Variants in CADM1 observed in about 807,000 individuals in gnomAD.
CADM1 encodes TSLC-1.
In CADM1, 15 loss-of-function variants were observed where a neutral mutation model predicts 53.1. The ratio of observed to expected loss-of-function variants is 0.28; its 90% CI spans 0.19 to 0.44. The LOEUF is 0.44. Ranked by LOEUF, CADM1 falls within the 20% of genes least tolerant of loss-of-function variation. The pLI is 1.00. For synonymous variants in CADM1, 281 were observed against 243.0 expected (o/e 1.16, Z -1.45); for missense variants, 434 against 611.3 (o/e 0.71, Z 3.06).
intron 1 of CADM1, among the ~76,000 whole-genome samples, chr11:115,342,025 A>G (rs1015405025): frequency 6.6e-6 from 1 of 152,172 alleles, no homozygotes; most frequent in African/African-American, 2.4e-5. Flanking sequence ...CTAAAATTCT[A>G]TAAATTCATA....
rs748466360 is a variant in CADM1 at position 115,209,691 on chromosome 11, A to G, written c.995-34T>C. 6 of 1,610,688 alleles carry G rather than the reference A, an allele frequency of 3.7e-6. No homozygotes were observed. The African/African-American group carries it at 5.3e-5, about 14-fold the overall frequency. On this transcript the variant is annotated intron_variant, in intron 7 of 11. Transcript: ENST00000331581. Reference sequence around the variant, plus strand: ...AAAAAAAAAGGAAAATCAAACCCACAATGCTGAACACAACAATGACCAGTA... The same window carrying G: ...AAAAAAAAAGGAAAATCAAACCCACGATGCTGAACACAACAATGACCAGTA...
In CADM1 at chr11:115,176,217, T is replaced by A. The variant is rs933073126; in HGVS notation, c.*257A>T. 8.1e-6 allele frequency: 10 copies of A among 1,236,658 alleles called. No homozygotes were observed. Among genetic ancestry groups the A allele is most frequent in the Non-Finnish European group, 8.2e-6 (8 of 975,176 alleles). The allele number at this position is 1,236,658 out of a possible 1,614,324, so 76.6% of individuals were successfully genotyped here. A position where few individuals can be genotyped will look rare whatever the true frequency, so the allele number is the denominator to read the frequency against. On this transcript the variant is annotated 3_prime_UTR_variant, in exon 12 of 12. Transcript: ENST00000331581. The stretch of plus-strand genomic sequence containing the variant: ...GCAATCTACTGAAACTAAATCCAAG[T>A]ATCCAAGTTTGACTTGGTAGGAAGA...
intron 9 of CADM1, among the ~76,000 whole-genome samples, 155 bp downstream of exon 9, chr11:115,198,251 G>A (rs904576410): frequency 6.6e-5 from 10 of 152,110 alleles, no homozygotes; most frequent in Non-Finnish European, 1.0e-4. Flanking sequence ...GACAAGACTC[G>A]ACATCTTTTC....
intron 1 of CADM1, among the ~76,000 whole-genome samples, chr11:115,321,873 T>G (rs1186572423): frequency 3.9e-5 from 6 of 152,190 alleles, no homozygotes; most frequent in African/African-American, 1.4e-4. Flanking sequence ...CTGCTGTGTC[T>G]TACTGCTTAA....
intron 1 of CADM1, among the ~76,000 whole-genome samples, chr11:115,246,212 T>G (rs1345645190): frequency 6.6e-6 from 1 of 152,214 alleles, no homozygotes; most frequent in Non-Finnish European, 1.5e-5. Flanking sequence ...TTATCTAAAA[T>G]CAAAAGCAAT....
At chr11:115,293,776 T>A (rs111836977) in intron 1 of CADM1, among the ~76,000 whole-genome samples, 2 of 152,196 alleles carry the variant, frequency 1.3e-5, no homozygotes, top group Non-Finnish European at 2.9e-5. Flanking sequence ...CTTCAGTTAG[T>A]AATCAACAAC....
chr11:115,375,151 AAAT>A (rs1298237798), intron 1 of CADM1, among the ~76,000 whole-genome samples: 13 of 152,272 alleles, frequency 8.5e-5, no homozygotes, highest in African/African-American at 3.1e-4. Context: ...ATTACAGGTG[AAAT>A]AATATTGGTC....
At chr11:115,495,552 G>A (rs1006220592) in intron 1 of CADM1, among the ~76,000 whole-genome samples, 5 of 152,128 alleles carry the variant, frequency 3.3e-5, no homozygotes, top group Admixed American at 3.3e-4. Context: ...AGAAAGAAAG[G>A]TTTCATTTTT....
chr11:115,433,049 GATGTGTAAGTC>G (rs1169811521), intron 1 of CADM1, among the ~76,000 whole-genome samples: 3 of 152,132 alleles, frequency 2.0e-5, no homozygotes, highest in Non-Finnish European at 2.9e-5. Flanking sequence ...CCCTTTAATA[GATGTGTAAGTC>G]ACAAAGTCTT....
chr11:115,293,327 G>T (rs1199000236), intron 1 of CADM1, among the ~76,000 whole-genome samples: 4 of 152,160 alleles, frequency 2.6e-5, no homozygotes, highest in African/African-American at 7.2e-5. Context: ...CAGCTACTCG[G>T]GAGGCTGAGG....
chr11:115,289,070 A>G (rs1332072208), intron 1 of CADM1, among the ~76,000 whole-genome samples: 1 of 152,172 alleles, frequency 6.6e-6, no homozygotes, highest in Non-Finnish European at 1.5e-5. Context: ...TGGAGATGAA[A>G]AATAAGAGTT....
At chr11:115,285,823 G>A (rs1453608282) in intron 1 of CADM1, among the ~76,000 whole-genome samples, 1 of 152,058 alleles carries the variant, frequency 6.6e-6, no homozygotes, top group Non-Finnish European at 1.5e-5. Flanking sequence ...GGGTCCTGTG[G>A]GGCAGAGCTT....
At chr11:115,394,878 A>G (rs1277201837) in intron 1 of CADM1, among the ~76,000 whole-genome samples, 3 of 152,204 alleles carry the variant, frequency 2.0e-5, no homozygotes, top group Non-Finnish European at 2.9e-5. Flanking sequence ...AAAACGCTAG[A>G]GATAATTAAT....
intron 1 of CADM1, among the ~76,000 whole-genome samples, chr11:115,319,430 C>A (rs568677896): frequency 6.6e-6 from 1 of 152,274 alleles, no homozygotes; most frequent in African/African-American, 2.4e-5. Context: ...AAGCACCATA[C>A]GTGCCCTGGA....
At chr11:115,355,040 A>G (rs1945828923) in intron 1 of CADM1, among the ~76,000 whole-genome samples, 1 of 152,206 alleles carries the variant, frequency 6.6e-6, no homozygotes, top group Non-Finnish European at 1.5e-5. Flanking sequence ...TTAATTTGCT[A>G]GAATGAGATT....
At position 115,257,824 on chromosome 11, in the gene CADM1, C is replaced by T. The variant is rs367940367; in HGVS notation, c.125-17404G>A. ...TTTTGCATACATCTGCATTCTCAAA[C>T]GTTGTCACATGCATCAGCATCACCT... On this transcript the variant is annotated intron_variant, in intron 1 of 11. Transcript: ENST00000331581. Among the ~76,000 whole-genome samples the T allele has an allele frequency of 7.4e-4, 113 of 152,310 alleles. 1 individual carries two copies. In the South Asian group the frequency reaches 0.017, roughly 23 times the overall value.
At chr11:115,311,332 T>C (rs1032675766) in intron 1 of CADM1, among the ~76,000 whole-genome samples, 5 of 152,138 alleles carry the variant, frequency 3.3e-5, no homozygotes, top group Admixed American at 6.6e-5. Flanking sequence ...GGGAGCTTAC[T>C]ATGGTGTGAG....
intron 1 of CADM1, among the ~76,000 whole-genome samples, chr11:115,354,825 T>A (rs1388318524): frequency 6.6e-6 from 1 of 152,166 alleles, no homozygotes; most frequent in Admixed American, 6.5e-5. Flanking sequence ...TTTCTCCATA[T>A]CATTAAAAAA....
At chr11:115,372,931 G>A (rs1946344305) in intron 1 of CADM1, among the ~76,000 whole-genome samples, 3 of 152,198 alleles carry the variant, frequency 2.0e-5, no homozygotes, top group East Asian at 3.8e-4. Context: ...TGTGAATTCA[G>A]GTATGCACCT....
Sources: gnomAD v4.1 joint callset for allele counts (sites outside exome capture counted in the v4.1 genomes callset) on GRCh38, gnomAD v4.1.1 for gene constraint, MANE v1.5 for transcripts, NCBI Gene and HGNC (gene_info 2026-07-23, HGNC 2026-07-21) for gene names.